Variants in GRK3 observed in about 807,000 individuals in gnomAD.
GRK3 encodes the protein adrenergic, beta, receptor kinase 2.
Under a neutral mutation model 95.7 loss-of-function variants are expected in GRK3, and 54 were observed. The observed-to-expected ratio is 0.56, with a 90% CI of 0.45 to 0.71. The LOEUF is 0.71. Among genes scored for constraint, GRK3 ranks in the 30% least tolerant of loss-of-function variants. The pLI, the probability that GRK3 is intolerant of heterozygous loss-of-function variation, is 0.00. For synonymous variants in GRK3, 281 were observed against 290.8 expected, an observed-to-expected ratio of 0.97 and a Z score of 0.34; for missense variants, 649 against 851.2, an observed-to-expected ratio of 0.76 and a Z score of 2.96.
At chr22:25,582,122 C>T (rs113174218) in intron 1 of GRK3, among the ~76,000 whole-genome samples, 1,547 of 152,034 alleles carry the variant, frequency 0.01, 23 homozygotes, top group Middle Eastern at 0.024. Context: ...ACTAAAAATA[C>T]AAAAATTAGC....
At chr22:25,596,704 T>C (rs1422764943) in intron 1 of GRK3, among the ~76,000 whole-genome samples, 1 of 152,152 alleles carries the variant, frequency 6.6e-6, no homozygotes. Context: ...AATAAACCCT[T>C]CCTCTTCATT....
chr22:25,598,954 T>C (rs894115455), intron 1 of GRK3, among the ~76,000 whole-genome samples: 1 of 151,940 alleles, frequency 6.6e-6, no homozygotes, highest in Non-Finnish European at 1.5e-5. Flanking sequence ...GTGGGGGAAA[T>C]GATAGGAATT....
chr22:25,607,297 A>T (rs142329998), intron 2 of GRK3, among the ~76,000 whole-genome samples: 3,422 of 152,046 alleles, frequency 0.023, 51 homozygotes, highest in Middle Eastern at 0.068. Context: ...ATTTATCATG[A>T]TTCTTAGTGT....
At chr22:25,609,106 G>C (rs551670064) in intron 2 of GRK3, among the ~76,000 whole-genome samples, 7 of 152,256 alleles carry the variant, frequency 4.6e-5, no homozygotes, top group Admixed American at 4.6e-4. Flanking sequence ...AGGGGATACT[G>C]GTTATTGAAT....
chr22:25,595,793 T>A (rs531910510), intron 1 of GRK3, among the ~76,000 whole-genome samples: 22 of 150,272 alleles, frequency 1.5e-4, no homozygotes, highest in South Asian at 1.1e-3. Context: ...AAAAAAAAAA[T>A]AATAATTACT....
At chr22:25,700,546 G>A (rs2146451343) in intron 13 of GRK3, among the ~76,000 whole-genome samples, 1 of 152,280 alleles carries the variant, frequency 6.6e-6, no homozygotes, top group Non-Finnish European at 1.5e-5. Context: ...ACTGGCTTAG[G>A]TTTGAAATGC....
intron 2 of GRK3, among the ~76,000 whole-genome samples, chr22:25,634,239 A>G (rs2084684145): frequency 6.6e-6 from 1 of 152,222 alleles, no homozygotes; most frequent in East Asian, 1.9e-4. Context: ...ATTTGTTCAC[A>G]TGGAAAAGTT....
At chr22:25,686,697 A>G (rs1441309246) in intron 10 of GRK3, among the ~76,000 whole-genome samples, 2 of 152,186 alleles carry the variant, frequency 1.3e-5, no homozygotes, top group Non-Finnish European at 2.9e-5. Flanking sequence ...CCAGCGTTTT[A>G]TTATGAAAAA....
Position 25,565,111 on chromosome 22 carries a change from C to T in GRK3, c.71C>T (p.Pro24Leu), listed in dbSNP as rs1304595283. Residue 24 changes from proline (P) to leucine (L), a missense_variant, in exon 1 of 21, where the codon CCG becomes CTG. Pro to Leu is a moderately conservative substitution (Grantham distance 98, BLOSUM62 -3). Coordinates refer to ENST00000324198, the MANE Select transcript of GRK3 (RefSeq NM_005160.4). ...LMAMEKSKAT[P>L]AARASKRIVL... is the part of the protein sequence containing the mutation. ...GCCATGGAGAAGAGCAAGGCGACCC[C>T]GGCCGCCCGCGCCAGCAAGAGGATC... 6.5e-7 allele frequency: 1 copy of T among 1,549,958 alleles called. No homozygotes were observed.
intron 12 of GRK3, among the ~76,000 whole-genome samples, chr22:25,694,688 C>A (rs937813169): frequency 6.6e-6 from 1 of 152,138 alleles, no homozygotes. Flanking sequence ...CAGGGGTGGA[C>A]GTCTCCATGC....
At position 25,622,439 on chromosome 22, in the gene GRK3, C is replaced by A. The variant is rs145846130; in HGVS notation, c.190+17986C>A. Among the ~76,000 whole-genome samples, 725 of 152,240 alleles carry A rather than the reference C, an allele frequency of 4.8e-3. 5 individuals carry two copies. The highest frequency in any genetic ancestry group is 6.1e-3 in the Non-Finnish European group (413 of 68,008). On this transcript the variant is annotated intron_variant, in intron 2 of 20. Transcript: ENST00000324198. Reference sequence around the variant, plus strand: ...TAGGTTAGTTGTTTAGGGGACATTTCTTTGAGGATGTGATCAGGGGATCAT... The same window carrying A: ...TAGGTTAGTTGTTTAGGGGACATTTATTTGAGGATGTGATCAGGGGATCAT...
intron 9 of GRK3, 146 bp downstream of exon 9, chr22:25,679,061 T>C (rs2079192872): frequency 7.5e-6 from 4 of 530,632 alleles, no homozygotes; most frequent in Non-Finnish European, 1.0e-5. Flanking sequence ...TATTTGATTT[T>C]GCAAGTTAGA....
intron 8 of GRK3, among the ~76,000 whole-genome samples, chr22:25,676,414 G>A (rs1243229467): frequency 2.6e-5 from 4 of 152,108 alleles, no homozygotes; most frequent in African/African-American, 9.7e-5. Flanking sequence ...AATATCGGCC[G>A]GGCGCGGTGG....
rs1350177335 is a variant in GRK3, at chr22:25,724,392, A to G, written c.*1942A>G. The G allele has an allele frequency of 6.6e-6, 1 of 152,208 alleles. No homozygotes were observed. The highest frequency in any genetic ancestry group is 2.4e-5 in the African/African-American group (1 of 41,456). 9.4% of individuals were successfully genotyped at this position (152,208 alleles called of 1,614,324 possible). ...CTCGTACCTAGGGCGTGAGCTGCAC[A>G]AACGTGTTCAGAAAGATTATTCAAC... On this transcript the variant is annotated 3_prime_UTR_variant, in exon 21 of 21. Coordinates refer to ENST00000324198, the MANE Select transcript of GRK3 (RefSeq NM_005160.4).
At chr22:25,647,020 CAAAAAAAAAAAAAAA>C (rs1025786169) in intron 3 of GRK3, among the ~76,000 whole-genome samples, 2 of 54,020 alleles carry the variant, frequency 3.7e-5, no homozygotes, top group Admixed American at 2.1e-4. Context: ...GACTTTGTCT[CAAAAAAAAAAAAAAA>C]AAAAAAAAGA....
chr22:25,616,547 A>G (rs1441730376), intron 2 of GRK3, among the ~76,000 whole-genome samples: 2 of 152,186 alleles, frequency 1.3e-5, no homozygotes, highest in Non-Finnish European at 2.9e-5. Context: ...ATTGGGGATT[A>G]TAATTCAACA....
At chr22:25,657,769 T>C (rs1176610800) in intron 3 of GRK3, among the ~76,000 whole-genome samples, 1 of 152,106 alleles carries the variant, frequency 6.6e-6, no homozygotes, top group Non-Finnish European at 1.5e-5. Flanking sequence ...ATTATTTTTC[T>C]ACCTCAATCT....
chr22:25,647,067 C>T (rs2084790293), intron 3 of GRK3, among the ~76,000 whole-genome samples: 2 of 149,086 alleles, frequency 1.3e-5, no homozygotes, highest in South Asian at 4.3e-4. Context: ...AATGAAATGG[C>T]CATCATTAAA....
rs938019392 is a variant in GRK3, at chr22:25,694,002, G to A, written c.1053-1105G>A. ...GACGGGGTTTCTCCACGTTGGTCAG[G>A]CTGGTCTCAAACTCCTGACCTCAGG... On this transcript the variant is annotated intron_variant, in intron 12 of 20. Coordinates refer to ENST00000324198, the MANE Select transcript of GRK3 (RefSeq NM_005160.4). Among the ~76,000 whole-genome samples the A allele has an allele frequency of 2.6e-5, 4 of 152,154 alleles. No individual in the cohort carries two copies. The South Asian group carries it at 6.2e-4, about 24-fold the overall frequency.
Sources: gnomAD v4.1 joint callset for allele counts (sites outside exome capture counted in the v4.1 genomes callset) on GRCh38, gnomAD v4.1.1 for gene constraint, MANE v1.5 for transcripts, NCBI Gene and HGNC (gene_info 2026-07-23, HGNC 2026-07-21) for gene names.